Variants in TMEM245 observed in about 807,000 individuals in gnomAD.
TMEM245 encodes transmembrane protein 245, also known as protein CG-2.
In TMEM245, 69 loss-of-function variants were observed where a neutral mutation model predicts 101.2. The observed-to-expected ratio is 0.68, with a 90% confidence interval of 0.56 to 0.83. TMEM245 has a LOEUF of 0.83. Ranked by LOEUF, TMEM245 falls within the 40% of genes least tolerant of loss-of-function variation. TMEM245 has a pLI of 0.00. For missense variants in TMEM245, 1,075 were observed against 1,092.8 expected, an observed-to-expected ratio of 0.98 and a Z score of 0.23; for synonymous variants, 537 against 449.8, an observed-to-expected ratio of 1.19 and a Z score of -2.45.
intron 9 of TMEM245, among the ~76,000 whole-genome samples, chr9:109,069,238 A>G (rs527996669): frequency 6.6e-6 from 1 of 152,270 alleles, no homozygotes; most frequent in African/African-American, 2.4e-5. Context: ...TGCTGCTACT[A>G]TTCAAAACCG....
intron 9 of TMEM245, among the ~76,000 whole-genome samples, chr9:109,068,037 G>A (rs1829220040): frequency 6.6e-6 from 1 of 151,998 alleles, no homozygotes; most frequent in Non-Finnish European, 1.5e-5. Context: ...AAAAGAATCA[G>A]ACCTTCTATG....
chr9:109,119,855 G>A lies in TMEM245; in HGVS notation c.59C>T (p.Ala20Val). 7.5e-7 allele frequency: 1 copy of A among 1,328,710 alleles called. No individual in the cohort carries two copies. Among genetic ancestry groups the A allele is most frequent in the Non-Finnish European group, 9.5e-7 (1 of 1,049,814 alleles). The allele number at this position is 1,328,710 out of a possible 1,614,324, so 82.3% of individuals were successfully genotyped here. ...CCCGACCGCGCGCGGGACCCGCGGC[G>A]CCGGCCCGGGAGAGCTCCGCAGGCT... ...APSLRSSPGPAPRVPRAVGPS... is the reference protein window; with the variant it reads ...APSLRSSPGPVPRVPRAVGPS... Residue 20 changes from alanine to valine, a missense_variant, in exon 1 of 18, where the codon GCG (alanine) becomes GTG (valine). Ala to Val is a moderately conservative substitution (Grantham distance 64, BLOSUM62 0). Around this residue, in one of 2 missense-constraint regions of TMEM245, gnomAD observed 808 missense variants for 741.5 expected, o/e 1.09. Transcript: ENST00000374586.
intron 12 of TMEM245, among the ~76,000 whole-genome samples, chr9:109,055,738 G>T (rs780462727): frequency 6.6e-6 from 1 of 151,750 alleles, no homozygotes; most frequent in Non-Finnish European, 1.5e-5. Flanking sequence ...AGATTCAAGC[G>T]ATTCTCCTGC....
rs971517277 is a variant in TMEM245, at chr9:109,073,859, T to G, written c.1450-421A>C. 4.1e-5 allele frequency among the ~76,000 whole-genome samples: 6 copies of G among 147,928 alleles called. No individual in the cohort carries two copies. In the East Asian group the frequency reaches 5.9e-4, roughly 15 times the overall value. ...AAGGAACTAACTTTTTTTTTTTGTT[T>G]TTTTTTTTTTTTTTTTAGCCAGGTT... is the stretch of plus-strand genomic sequence containing the variant. On this transcript the variant is annotated intron_variant, in intron 8 of 17. Transcript: ENST00000374586.
chr9:109,091,228 T>C, intron 4 of TMEM245, 73 bp from the exon 5 acceptor site: 1 of 1,326,602 alleles, frequency 7.5e-7, no homozygotes, highest in Non-Finnish European at 1.0e-6. Flanking sequence ...AGCCACTCAT[T>C]AGGCTAGCCT....
chr9:109,099,948 A>G (rs1239548279), intron 3 of TMEM245, among the ~76,000 whole-genome samples: 1 of 152,248 alleles, frequency 6.6e-6, no homozygotes, highest in Non-Finnish European at 1.5e-5. Context: ...GTGATGATAC[A>G]GCAAGAAGAT....
At chr9:109,036,514 G>A (rs1828127253) in intron 15 of TMEM245, 134 bp from the exon 16 acceptor site, 4 of 853,062 alleles carry the variant, frequency 4.7e-6, no homozygotes, top group Admixed American at 7.0e-5. Flanking sequence ...CAAATATTAG[G>A]GAAATGATAT....
chr9:109,075,060 T>C (rs983739787), intron 8 of TMEM245, among the ~76,000 whole-genome samples: 1 of 152,214 alleles, frequency 6.6e-6, no homozygotes, highest in Non-Finnish European at 1.5e-5. Context: ...TTGGACGCTG[T>C]GTTGAAAACA....
At chr9:109,118,908 G>A (rs1307622986) in intron 1 of TMEM245, among the ~76,000 whole-genome samples, 2 of 152,174 alleles carry the variant, frequency 1.3e-5, no homozygotes, top group East Asian at 3.9e-4. Flanking sequence ...CTGCAGGATG[G>A]CAAGTTGGCC....
At chr9:109,055,820 G>A (rs969451524) in intron 12 of TMEM245, among the ~76,000 whole-genome samples, 1 of 152,124 alleles carries the variant, frequency 6.6e-6, no homozygotes, top group South Asian at 2.1e-4. Context: ...TTTTAGTAGA[G>A]ACGGGGTTTC....
intron 8 of TMEM245, among the ~76,000 whole-genome samples, chr9:109,078,260 C>G (rs1343279911): frequency 1.3e-5 from 2 of 152,160 alleles, no homozygotes; most frequent in Non-Finnish European, 2.9e-5. Flanking sequence ...AAGGCCACAA[C>G]AGTATTTCTA....
intron 8 of TMEM245, among the ~76,000 whole-genome samples, chr9:109,079,398 G>C (rs1248414200): frequency 6.6e-6 from 1 of 151,870 alleles, no homozygotes; most frequent in Non-Finnish European, 1.5e-5. Context: ...GAATGGAGTT[G>C]TCACTGAAGA....
intron 1 of TMEM245, among the ~76,000 whole-genome samples, chr9:109,110,334 T>C (rs990257484): frequency 5.3e-5 from 8 of 152,170 alleles, no homozygotes; most frequent in African/African-American, 1.9e-4. Flanking sequence ...ATTATTATGA[T>C]CCTCATTTTA....
chr9:109,116,511 CCTGGCCTTTAAT>C (rs1830726817), intron 1 of TMEM245, among the ~76,000 whole-genome samples: 1 of 151,888 alleles, frequency 6.6e-6, no homozygotes, highest in Admixed American at 6.6e-5. Context: ...AGCCACTGTG[CCTGGCCTTTAAT>C]CAGCACTTTT....
intron 14 of TMEM245, chr9:109,038,995 G>C (rs1828223720): frequency 6.6e-6 from 1 of 152,152 alleles, no homozygotes; most frequent in African/African-American, 2.4e-5. Context: ...AGGGGTGCAG[G>C]GAAAGCACCT....
chr9:109,084,810 T>C (rs181037723), intron 7 of TMEM245, among the ~76,000 whole-genome samples: 4 of 152,372 alleles, frequency 2.6e-5, no homozygotes, highest in Admixed American at 2.0e-4. Flanking sequence ...TTATAGGGAA[T>C]GGAGACATAC....
At chr9:109,068,846 T>C (rs1420843711) in intron 9 of TMEM245, among the ~76,000 whole-genome samples, 1 of 152,128 alleles carries the variant, frequency 6.6e-6, no homozygotes, top group African/African-American at 2.4e-5. Context: ...GATCAGTGGT[T>C]GCTAAGAGTT....
chr9:109,057,125 G>A (rs950550016), intron 12 of TMEM245, 66 bp downstream of exon 12: 14 of 1,557,252 alleles, frequency 9.0e-6, no homozygotes, highest in Non-Finnish European at 1.1e-5. Flanking sequence ...AGTGTATGAA[G>A]AAAACTTGGA....
At chr9:109,042,826 G>A (rs1300795829) in intron 14 of TMEM245, among the ~76,000 whole-genome samples, 1 of 148,322 alleles carries the variant, frequency 6.7e-6, no homozygotes, top group Non-Finnish European at 1.5e-5. Flanking sequence ...AATAAATAAA[G>A]GTATAGCTGA....
Sources: gnomAD v4.1 joint callset for allele counts (sites outside exome capture counted in the v4.1 genomes callset) on GRCh38, gnomAD v4.1.1 for gene constraint, gnomAD v4.1.1 regional missense constraint, MANE v1.5 for transcripts, NCBI Gene and HGNC (gene_info 2026-07-23, HGNC 2026-07-21) for gene names.